Variants in CNTNAP5 observed in about 807,000 individuals in gnomAD.
CNTNAP5 encodes contactin-associated protein-like 5.
In CNTNAP5, 72 loss-of-function variants were observed where a neutral mutation model predicts 150.2. That is an observed-to-expected ratio of 0.48 (90% CI 0.40 to 0.58). The LOEUF (loss-of-function observed/expected upper bound fraction) is 0.58, where lower values mean the gene tolerates loss of function less well. Ranked by LOEUF, CNTNAP5 falls within the 20% of genes least tolerant of loss-of-function variation. CNTNAP5 has a pLI of 0.00. For synonymous variants in CNTNAP5, 672 were observed against 619.8 expected (o/e 1.08, Z -1.25); for missense variants, 1,636 against 1,626.2 (o/e 1.01, Z -0.10).
At chr2:124,758,928 G>C (rs1680898324) in intron 14 of CNTNAP5, among the ~76,000 whole-genome samples, 1 of 152,154 alleles carries the variant, frequency 6.6e-6, no homozygotes, top group Non-Finnish European at 1.5e-5. Flanking sequence ...AGATACCTTT[G>C]CTAGATTGCT....
intron 12 of CNTNAP5, among the ~76,000 whole-genome samples, chr2:124,619,842 C>CATATATATATATATAT (rs58774096): frequency 2.0e-5 from 2 of 98,472 alleles, no homozygotes; most frequent in African/African-American, 1.2e-4. Context: ...CTGTCTCATT[C>CATATATATATATATAT]ATATATATAT....
intron 3 of CNTNAP5, among the ~76,000 whole-genome samples, chr2:124,293,576 A>T (rs1353319039): frequency 2.0e-5 from 3 of 152,172 alleles, no homozygotes; most frequent in African/African-American, 7.2e-5. Flanking sequence ...AACTTGTGAA[A>T]ATTATTTTTA....
intron 3 of CNTNAP5, among the ~76,000 whole-genome samples, chr2:124,297,852 ATTATTATTTTG>A (rs1688480243): frequency 7.1e-6 from 1 of 141,592 alleles, no homozygotes; most frequent in Non-Finnish European, 1.5e-5. Context: ...TATTATTATT[ATTATTATTTTG>A]AAATGGAGTC....
chr2:124,855,813 C>A (rs2104708425), intron 19 of CNTNAP5, among the ~76,000 whole-genome samples: 1 of 152,152 alleles, frequency 6.6e-6, no homozygotes, highest in East Asian at 1.9e-4. Context: ...GCACCCATCA[C>A]CCAAGCAGTG....
chr2:124,650,052 A>T (rs898617816), intron 13 of CNTNAP5, among the ~76,000 whole-genome samples: 1 of 152,236 alleles, frequency 6.6e-6, no homozygotes, highest in Non-Finnish European at 1.5e-5. Flanking sequence ...TTCAGATGTG[A>T]ATCCTTCCAG....
chr2:124,547,551 AGGGGCTCCTGTTGTGTCAG>A (rs1695541171), intron 10 of CNTNAP5, among the ~76,000 whole-genome samples: 1 of 152,114 alleles, frequency 6.6e-6, no homozygotes, highest in Non-Finnish European at 1.5e-5. Flanking sequence ...GATTTGATCA[AGGGGCTCCTGTTGTGTCAG>A]TATCTGGGGT....
chr2:124,279,985 C>T (rs1687974535), intron 3 of CNTNAP5, among the ~76,000 whole-genome samples: 1 of 152,034 alleles, frequency 6.6e-6, no homozygotes, highest in Non-Finnish European at 1.5e-5. Context: ...TTACTTTATA[C>T]TTAAACATGT....
At chr2:124,598,770 A>T (rs982085261) in intron 11 of CNTNAP5, among the ~76,000 whole-genome samples, 4 of 152,138 alleles carry the variant, frequency 2.6e-5, no homozygotes, top group African/African-American at 7.2e-5. Flanking sequence ...GTTTGATCTC[A>T]GACTGCTGTC....
chr2:124,199,715 G>A (rs1354637308), intron 1 of CNTNAP5, among the ~76,000 whole-genome samples: 1 of 151,946 alleles, frequency 6.6e-6, no homozygotes, highest in African/African-American at 2.4e-5. Context: ...TCGCCTGGCT[G>A]GTATTCTAAA....
chr2:124,779,530 T>TACACACACACAC (rs138904740), intron 17 of CNTNAP5, among the ~76,000 whole-genome samples: 2 of 151,916 alleles, frequency 1.3e-5, no homozygotes, highest in African/African-American at 4.8e-5. Context: ...CTCACACACA[T>TACACACACACAC]ACACACACAC....
At chr2:124,168,455 C>T (rs1684856162) in intron 1 of CNTNAP5, among the ~76,000 whole-genome samples, 1 of 152,172 alleles carries the variant, frequency 6.6e-6, no homozygotes, top group Admixed American at 6.6e-5. Flanking sequence ...CAAATGACTC[C>T]ATTTGTCGGA....
chr2:124,244,601 G>T (rs1686972552), intron 3 of CNTNAP5, among the ~76,000 whole-genome samples: 1 of 152,132 alleles, frequency 6.6e-6, no homozygotes, highest in East Asian at 1.9e-4. Context: ...AGCTTCAGGA[G>T]CAGCCTTTTA....
intron 1 of CNTNAP5, among the ~76,000 whole-genome samples, chr2:124,185,099 TAAGG>T (rs1685303656): frequency 6.6e-6 from 1 of 152,230 alleles, no homozygotes; most frequent in Non-Finnish European, 1.5e-5. Context: ...AATTGACAGA[TAAGG>T]ATATCTGCAC....
intron 13 of CNTNAP5, among the ~76,000 whole-genome samples, chr2:124,723,309 T>C (rs543306031): frequency 6.6e-6 from 1 of 152,212 alleles, no homozygotes; most frequent in Non-Finnish European, 1.5e-5. Flanking sequence ...CTCTTTTTTT[T>C]ACTTTTATAA....
At chr2:124,445,142 T>A (rs1692782162) in intron 5 of CNTNAP5, among the ~76,000 whole-genome samples, 1 of 148,634 alleles carries the variant, frequency 6.7e-6, no homozygotes, top group South Asian at 2.1e-4. Flanking sequence ...CAGGCTGGAG[T>A]GCAGTGGCGC....
At chr2:124,453,919 A>C (rs1391638660) in intron 6 of CNTNAP5, among the ~76,000 whole-genome samples, 1 of 152,176 alleles carries the variant, frequency 6.6e-6, no homozygotes, top group Admixed American at 6.5e-5. Flanking sequence ...AACACATAAA[A>C]AAAAAGAGCC....
chr2:124,449,331 G>A (rs1347590080), intron 6 of CNTNAP5, among the ~76,000 whole-genome samples: 3 of 152,012 alleles, frequency 2.0e-5, no homozygotes, highest in Non-Finnish European at 2.9e-5. Context: ...AAAGAAAAGA[G>A]ATATTTTTTA....
intron 1 of CNTNAP5, among the ~76,000 whole-genome samples, chr2:124,027,035 C>T (rs1383267845): frequency 1.3e-5 from 2 of 152,140 alleles, no homozygotes; most frequent in Non-Finnish European, 2.9e-5. Flanking sequence ...ATGCCTTATA[C>T]CGATTGTATT....
At chr2:124,598,210 G>C (rs1573485962) in intron 11 of CNTNAP5, among the ~76,000 whole-genome samples, 1 of 139,794 alleles carries the variant, frequency 7.2e-6, no homozygotes, top group South Asian at 2.6e-4. Context: ...TTTGGAGGAG[G>C]AGAGGCGCTC....
Sources: allele counts gnomAD v4.1 joint callset (sites outside exome capture counted in the v4.1 genomes callset), GRCh38; gene constraint gnomAD v4.1.1; transcripts MANE v1.5; gene names NCBI Gene and HGNC (gene_info 2026-07-23, HGNC 2026-07-21).